The following SEPTIN7 variants were observed in gnomAD, a reference collection of about 807,000 sequenced individuals.
The protein encoded by SEPTIN7 is septin 7.
A neutral mutation model predicts 63.3 loss-of-function variants in SEPTIN7; 10 were observed. That is an observed-to-expected ratio of 0.16 (90% CI 0.10 to 0.27). The LOEUF (loss-of-function observed/expected upper bound fraction) is 0.27. SEPTIN7 is among the 10% of genes least tolerant of loss of function. SEPTIN7 has a pLI of 1.00. For missense variants in SEPTIN7, 310 were observed against 521.0 expected (o/e 0.59, Z 3.94); for synonymous variants, 131 against 165.3 (o/e 0.79, Z 1.59).
the SEPTIN7 span, among the ~76,000 whole-genome samples, chr7:35,914,968 TTATG>T: frequency 7.2e-5 from 11 of 152,164 alleles, no homozygotes; most frequent in African/African-American, 2.4e-4. Context: ...CTACATATAT[TTATG>T]TACACATATG....
intron 1 of SEPTIN7, among the ~76,000 whole-genome samples, chr7:35,828,948 T>TC (rs1783662148): frequency 6.6e-6 from 1 of 152,010 alleles, no homozygotes; most frequent in Admixed American, 6.6e-5. Flanking sequence ...AAAACAGTAA[T>TC]CAGGTCACTT....
At chr7:35,859,464 C>G (rs1444906996) in intron 3 of SEPTIN7, among the ~76,000 whole-genome samples, 5 of 152,138 alleles carry the variant, frequency 3.3e-5, no homozygotes, top group Non-Finnish European at 5.9e-5. Flanking sequence ...GTGTAGACTG[C>G]TGTTGTTGGA....
the SEPTIN7 span, among the ~76,000 whole-genome samples, chr7:35,914,053 A>C: frequency 1.3e-5 from 2 of 152,256 alleles, no homozygotes; most frequent in African/African-American, 4.8e-5. Context: ...GAAAGCGAGA[A>C]TGAAGTATTC....
chr7:35,833,151 G>A (rs1196228382), intron 3 of SEPTIN7, among the ~76,000 whole-genome samples: 1 of 152,034 alleles, frequency 6.6e-6, no homozygotes, highest in Admixed American at 6.6e-5. Flanking sequence ...GAACTCTAGA[G>A]AAGTTATCTT....
chr7:35,872,782 C>T lies in SEPTIN7; in HGVS notation c.377+16C>T, dbSNP rs370163287. ...ATAGTAATTGGTAAGAAGGGTTTGT[C>T]CTCACAACTTTGCAGTGCATTTGGG... On this transcript the variant is annotated intron_variant, in intron 5 of 13. Transcript: ENST00000350320. 9 of 1,565,424 alleles carry T rather than the reference C, an allele frequency of 5.7e-6. No individual in the cohort carries two copies. The highest frequency in any genetic ancestry group is 2.7e-5 in the African/African-American group (2 of 73,940).
chr7:35,809,936 A>C (rs954447657), intron 1 of SEPTIN7, among the ~76,000 whole-genome samples: 1 of 152,172 alleles, frequency 6.6e-6, no homozygotes. Context: ...GGGAAAGGAC[A>C]TGAGGGGGAT....
At chr7:35,822,827 T>C (rs1204579700) in intron 1 of SEPTIN7, among the ~76,000 whole-genome samples, 1 of 152,236 alleles carries the variant, frequency 6.6e-6, no homozygotes, top group Non-Finnish European at 1.5e-5. Flanking sequence ...AGCAATGTTT[T>C]CTACCCCTTC....
chr7:35,821,066 G>GTT (rs34773866), intron 1 of SEPTIN7, among the ~76,000 whole-genome samples: 1 of 151,614 alleles, frequency 6.6e-6, no homozygotes, highest in South Asian at 2.1e-4. Flanking sequence ...TGATTGTTCT[G>GTT]TTTTTTTCCA....
intron 1 of SEPTIN7, among the ~76,000 whole-genome samples, chr7:35,827,711 G>C (rs1274607865): frequency 6.6e-6 from 1 of 152,010 alleles, no homozygotes. Context: ...GGCAGGTCTC[G>C]AACTCCTGAC....
intron 4 of SEPTIN7, among the ~76,000 whole-genome samples, chr7:35,871,958 TC>T: frequency 6.6e-6 from 1 of 152,316 alleles, no homozygotes; most frequent in South Asian, 2.1e-4. Flanking sequence ...CTTAAATTGT[TC>T]CAGGAACTGT....
intron 3 of SEPTIN7, among the ~76,000 whole-genome samples, chr7:35,833,975 A>G (rs1364367959): frequency 1.3e-5 from 2 of 151,986 alleles, no homozygotes; most frequent in Non-Finnish European, 2.9e-5. Flanking sequence ...CAAATTTGAT[A>G]CTTTATAGCA....
intron 3 of SEPTIN7, among the ~76,000 whole-genome samples, chr7:35,862,523 G>A (rs1444276860): frequency 6.6e-6 from 1 of 152,110 alleles, no homozygotes; most frequent in Non-Finnish European, 1.5e-5. Flanking sequence ...AAAGAATCGA[G>A]TGTGGCCAAC....
At chr7:35,875,317 G>A (rs560370304) in intron 6 of SEPTIN7, among the ~76,000 whole-genome samples, 51 of 152,174 alleles carry the variant, frequency 3.4e-4, no homozygotes, top group African/African-American at 1.1e-3. Context: ...TAGAAATGGA[G>A]CAAAGTTTTG....
intron 4 of SEPTIN7, among the ~76,000 whole-genome samples, chr7:35,870,137 T>A (rs899667367): frequency 6.6e-6 from 1 of 152,220 alleles, no homozygotes; most frequent in African/African-American, 2.4e-5. Context: ...CATATGTCGC[T>A]GACTTCTTTG....
At chr7:35,882,113 A>G (rs1786916070) in intron 7 of SEPTIN7, among the ~76,000 whole-genome samples, 1 of 151,958 alleles carries the variant, frequency 6.6e-6, no homozygotes, top group Non-Finnish European at 1.5e-5. Flanking sequence ...GATACTTGGG[A>G]ATTTATATCT....
chr7:35,818,158 A>G (rs778810384), intron 1 of SEPTIN7, among the ~76,000 whole-genome samples: 23 of 151,972 alleles, frequency 1.5e-4, no homozygotes, highest in Non-Finnish European at 2.9e-4. Flanking sequence ...TTGTATGTCT[A>G]GTTTGTTAAG....
chr7:35,804,484 C>T (rs1348243656), intron 1 of SEPTIN7, among the ~76,000 whole-genome samples: 1 of 152,180 alleles, frequency 6.6e-6, no homozygotes, highest in Non-Finnish European at 1.5e-5. Flanking sequence ...TGGTGCAGTC[C>T]AGCTATCCAG....
At chr7:35,862,779 A>C in intron 3 of SEPTIN7, among the ~76,000 whole-genome samples, 1 of 152,160 alleles carries the variant, frequency 6.6e-6, no homozygotes, top group East Asian at 1.9e-4. Context: ...GTGTTGTCAT[A>C]ATATGGTTTA....
intron 11 of SEPTIN7, among the ~76,000 whole-genome samples, chr7:35,895,972 G>A (rs566732565): frequency 4.6e-5 from 7 of 152,016 alleles, no homozygotes; most frequent in South Asian, 2.1e-4. Flanking sequence ...CACCACGCCC[G>A]GCTAATTTTT....
Sources: gnomAD v4.1 joint callset for allele counts (sites outside exome capture counted in the v4.1 genomes callset) on GRCh38, gnomAD v4.1.1 for gene constraint, MANE v1.5 for transcripts, NCBI Gene and HGNC (gene_info 2026-07-23, HGNC 2026-07-21) for gene names.